CWF19L2: variants seen among roughly 807,000 people sequenced by gnomAD.
CWF19L2 encodes CWF19 like cell cycle control factor 2, also known as CWF19-like protein 2.
In CWF19L2, 98 loss-of-function variants were observed where a neutral mutation model predicts 111.7. That is an observed-to-expected ratio of 0.88 (90% CI 0.75 to 1.04). The LOEUF is 1.04. Among genes scored for constraint, CWF19L2 ranks in the 50% least tolerant of loss-of-function variants. CWF19L2 has a pLI of 0.00. For synonymous variants in CWF19L2, 351 were observed against 342.9 expected, an observed-to-expected ratio of 1.02 and a Z score of -0.26; for missense variants, 1,101 against 1,051.4, an observed-to-expected ratio of 1.05 and a Z score of -0.65.
intron 8 of CWF19L2, among the ~76,000 whole-genome samples, chr11:107,420,407 T>C (rs1430304409): frequency 2.6e-5 from 4 of 151,936 alleles, no homozygotes; most frequent in Non-Finnish European, 4.4e-5. Flanking sequence ...AGGAAAACAA[T>C]ATTACCAGGG....
At chr11:107,378,586 G>C (rs544273887) in intron 12 of CWF19L2, among the ~76,000 whole-genome samples, 189 of 152,282 alleles carry the variant, frequency 1.2e-3, no homozygotes, top group African/African-American at 4.3e-3. Flanking sequence ...ATGGATACAG[G>C]AAGGGGAACA....
In CWF19L2 at chr11:107,373,053, G is replaced by A. The variant is rs7107026; in HGVS notation, c.1872+17021C>T. On this transcript the variant is annotated intron_variant, in intron 12 of 17. Transcript: ENST00000282251. Reference sequence around the variant, plus strand: ...CGAGTCACTCCCACCCAAATATTGCGCTTTTCAGACCGGCTTAAAAAACGG... The same window carrying A: ...CGAGTCACTCCCACCCAAATATTGCACTTTTCAGACCGGCTTAAAAAACGG... 1.3e-3 allele frequency among the ~76,000 whole-genome samples: 41 copies of A among 30,780 alleles called. 8 individuals are homozygous for A. Among genetic ancestry groups the A allele is most frequent in the Admixed American group, 1.5e-3 (7 of 4,650 alleles). The allele number at this position is 30,780 out of a possible 152,430, so 20.2% of individuals were successfully genotyped here. A position where few individuals can be genotyped will look rare whatever the true frequency, so the allele number is the denominator to read the frequency against.
At chr11:107,390,299 TG>T in intron 11 of CWF19L2, 88 bp from the exon 12 acceptor site, 1 of 1,085,150 alleles carries the variant, frequency 9.2e-7, no homozygotes, top group East Asian at 2.6e-5. Flanking sequence ...TGATGTTAAA[TG>T]TAAAAATCCC....
Position 107,376,820 on chromosome 11 carries a change from A to C in CWF19L2, c.1872+13254T>G, listed in dbSNP as rs1383469943. Among the ~76,000 whole-genome samples the C allele has an allele frequency of 7.4e-5, 3 of 40,762 alleles. 1 individual carries two copies. Among genetic ancestry groups the C allele is most frequent in the Non-Finnish European group, 1.3e-4 (3 of 22,782 alleles). 26.7% of individuals were successfully genotyped at this position (40,762 alleles called of 152,430 possible). ...TATTCAATTAGGAAAAGAGGAAGTC[A>C]AACTGTCCCTGTTTGCAGATGACAT... On this transcript the variant is annotated intron_variant, in intron 12 of 17. Coordinates refer to ENST00000282251, the MANE Select transcript of CWF19L2 (RefSeq NM_152434.3).
rs549091406 is a variant in CWF19L2 at position 107,423,824 on chromosome 11, T to C, written c.1433+4975A>G. On this transcript the variant is annotated intron_variant, in intron 8 of 17. Coordinates refer to ENST00000282251, the MANE Select transcript of CWF19L2 (RefSeq NM_152434.3). ...GAAGAATTAAAGACCAAGCCATCCATCAATCCATCTCCTTCTCTTGAGGAG... is the reference window on the plus strand; with the variant it reads ...GAAGAATTAAAGACCAAGCCATCCACCAATCCATCTCCTTCTCTTGAGGAG... Among the ~76,000 whole-genome samples, 4 of 151,940 alleles carry C rather than the reference T, an allele frequency of 2.6e-5. No homozygotes were observed. In the South Asian group the frequency reaches 8.3e-4, roughly 32 times the overall value.
At chr11:107,357,591 T>C (rs968492433) in intron 12 of CWF19L2, among the ~76,000 whole-genome samples, 3 of 152,186 alleles carry the variant, frequency 2.0e-5, no homozygotes, top group Non-Finnish European at 4.4e-5. Flanking sequence ...AGTGTTTGAA[T>C]TGAAAATGAT....
chr11:107,404,396 G>T, intron 10 of CWF19L2: 1 of 787,278 alleles, frequency 1.3e-6, no homozygotes, highest in Non-Finnish European at 2.4e-6. Flanking sequence ...CTTATCTGGT[G>T]GCTTTGGGGG....
chr11:107,355,504 G>T (rs1307462536), intron 12 of CWF19L2, among the ~76,000 whole-genome samples: 1 of 151,960 alleles, frequency 6.6e-6, no homozygotes, highest in African/African-American at 2.4e-5. Flanking sequence ...ATAAAAAGAT[G>T]CTTGGATGTT....
intron 8 of CWF19L2, among the ~76,000 whole-genome samples, chr11:107,423,949 C>A (rs1861338616): frequency 6.6e-6 from 1 of 151,478 alleles, no homozygotes; most frequent in African/African-American, 2.4e-5. Context: ...GTATAAATAC[C>A]TAAAAACAGG....
chr11:107,336,593 T>G lies in CWF19L2; in HGVS notation c.2323A>C (p.Lys775Gln). ...ATGGGAGCCATGTCACCCACTTCCT[T>G]GGGAAGAGGAATACATTCATAAACC... ...HMVYECIPLPKEVGDMAPIYF... is the reference protein window; with the variant it reads ...HMVYECIPLPQEVGDMAPIYF... Residue 775 changes from lysine to glutamine, a missense_variant, in exon 15 of 18, where the codon AAG (lysine) becomes CAG (glutamine). Coordinates refer to ENST00000282251, the MANE Select transcript of CWF19L2 (RefSeq NM_152434.3). 3.1e-6 allele frequency: 5 copies of G among 1,604,260 alleles called. No homozygotes were observed. Among genetic ancestry groups the G allele is most frequent in the Non-Finnish European group, 4.2e-6 (5 of 1,176,748 alleles).
At chr11:107,397,069 G>C (rs1397910770) in intron 10 of CWF19L2, among the ~76,000 whole-genome samples, 1 of 152,160 alleles carries the variant, frequency 6.6e-6, no homozygotes, top group East Asian at 1.9e-4. Context: ...GGATCCAACA[G>C]GAGGGTGGCC....
In CWF19L2 at chr11:107,368,508, C is replaced by T. The variant is rs1311204762; in HGVS notation, c.1873-14772G>A. ...ACACATCCACTTGCCGTCACAGTAA[C>T]TACTAAACTTCATGAATAATCATAT... On this transcript the variant is annotated intron_variant, in intron 12 of 17. Coordinates refer to ENST00000282251, the MANE Select transcript of CWF19L2 (RefSeq NM_152434.3). 3.6e-5 allele frequency among the ~76,000 whole-genome samples: 5 copies of T among 137,872 alleles called. 2 individuals carry two copies. Among genetic ancestry groups the T allele is most frequent in the African/African-American group, 1.4e-4 (5 of 34,712 alleles). The allele number at this position is 137,872 out of a possible 152,430, so 90.4% of individuals were successfully genotyped here.
chr11:107,381,824 C>A (rs1325798322), intron 12 of CWF19L2, among the ~76,000 whole-genome samples: 4 of 151,952 alleles, frequency 2.6e-5, no homozygotes, highest in African/African-American at 9.7e-5. Context: ...ATATATTAAG[C>A]CTTAAGTGTT....
intron 10 of CWF19L2, among the ~76,000 whole-genome samples, chr11:107,405,327 A>C (rs1045978542): frequency 6.6e-6 from 1 of 152,190 alleles, no homozygotes; most frequent in Non-Finnish European, 1.5e-5. Flanking sequence ...TCTACAGAAA[A>C]GTCTGCCAAT....
intron 8 of CWF19L2, among the ~76,000 whole-genome samples, chr11:107,419,294 T>C (rs1226553389): frequency 6.6e-6 from 1 of 152,140 alleles, no homozygotes; most frequent in Non-Finnish European, 1.5e-5. Flanking sequence ...ACCTAAAAAA[T>C]GTTAAAACAA....
At chr11:107,388,346 A>G (rs1031218513) in intron 12 of CWF19L2, among the ~76,000 whole-genome samples, 2 of 152,190 alleles carry the variant, frequency 1.3e-5, no homozygotes, top group African/African-American at 4.8e-5. Context: ...GACACTAATT[A>G]AGTCTTCAAT....
At chr11:107,437,355 C>CT (rs1478548389) in intron 6 of CWF19L2, among the ~76,000 whole-genome samples, 4 of 152,278 alleles carry the variant, frequency 2.6e-5, no homozygotes, top group Admixed American at 6.5e-5. Flanking sequence ...CCCAAGTAGA[C>CT]TGACTCCAAA....
rs1860599631 is a variant in CWF19L2 at position 107,376,358 on chromosome 11, A to C, written c.1872+13716T>G. ...ATCCTTGATGAACATTGATGCAAAA[A>C]TCCTCAATAAAATACTGGCAAAACG... On this transcript the variant is annotated intron_variant, in intron 12 of 17. Coordinates refer to ENST00000282251, the MANE Select transcript of CWF19L2 (RefSeq NM_152434.3). Among the ~76,000 whole-genome samples, 2 of 92,558 alleles carry C rather than the reference A, an allele frequency of 2.2e-5. 1 individual carries two copies. The highest frequency in any genetic ancestry group is 1.3e-4 in the African/African-American group (2 of 15,302). 60.7% of individuals were successfully genotyped at this position (92,558 alleles called of 152,430 possible).
intron 8 of CWF19L2, among the ~76,000 whole-genome samples, chr11:107,421,522 T>C (rs1861302663): frequency 6.6e-6 from 1 of 151,874 alleles, no homozygotes; most frequent in African/African-American, 2.4e-5. Context: ...AAATTACTAG[T>C]AGAGAGGTAA....
Sources: gnomAD v4.1 joint callset for allele counts (sites outside exome capture counted in the v4.1 genomes callset) on GRCh38, gnomAD v4.1.1 for gene constraint, MANE v1.5 for transcripts, NCBI Gene and HGNC (gene_info 2026-07-23, HGNC 2026-07-21) for gene names.